Variants in PLCB4 observed in about 807,000 individuals in gnomAD.
The protein encoded by PLCB4 is 1-phosphatidylinositol 4,5-bisphosphate phosphodiesterase beta-4.
PLCB4 carries 77 observed loss-of-function variants against 178.8 expected under a neutral mutation model. That is an observed-to-expected ratio of 0.43 (90% CI 0.36 to 0.52). The LOEUF is 0.52. Among genes scored for constraint, PLCB4 ranks in the 20% least tolerant of loss-of-function variants. The probability of loss-of-function intolerance (pLI) is 0.00; values close to 1 mark genes in which losing one functional copy is unlikely to be tolerated. For synonymous variants in PLCB4, 496 were observed against 490.8 expected (o/e 1.01, Z -0.14); for missense variants, 1,024 against 1,453.4 (o/e 0.70, Z 4.80).
At chr20:9,332,157 G>C (rs1389485796) in intron 4 of PLCB4, among the ~76,000 whole-genome samples, 1 of 152,166 alleles carries the variant, frequency 6.6e-6, no homozygotes, top group Non-Finnish European at 1.5e-5. Flanking sequence ...AAAACAAATA[G>C]ATTCCCAAAG....
intron 25 of PLCB4, among the ~76,000 whole-genome samples, chr20:9,412,826 C>T (rs4816132): frequency 0.15 from 22,368 of 152,206 alleles, 2,713 homozygotes; most frequent in African/African-American, 0.32. Flanking sequence ...TCTCCATGTA[C>T]GCTTGTTGGG....
Position 9,428,263 on chromosome 20 carries a change from A to C in PLCB4, c.2524+4311A>C, listed in dbSNP as rs6133709. On this transcript the variant is annotated intron_variant, in intron 28 of 39. Transcript: ENST00000378473. ...GTCATATTTTATTAAATATTTGTTG[A>C]AAAACCCAGTTGCATATTCACAGTG... 3.4e-3 allele frequency among the ~76,000 whole-genome samples: 521 copies of C among 152,310 alleles called. 15 individuals are homozygous for C. In the East Asian group the frequency reaches 0.059, roughly 17 times the overall value.
chr20:9,105,860 T>C lies in PLCB4; in HGVS notation c.-79+9518T>C, dbSNP rs548696372. Among the ~76,000 whole-genome samples, 17 of 152,112 alleles carry C rather than the reference T, an allele frequency of 1.1e-4. No homozygotes were observed. The East Asian group carries it at 3.1e-3, about 28-fold the overall frequency. On this transcript the variant is annotated intron_variant, in intron 2 of 39. Coordinates refer to ENST00000378473, the MANE Select transcript of PLCB4 (RefSeq NM_001377142.1). ...ATAAACTGTAAATTTATGATAAAAA[T>C]CTATGGATAAATATTTTTACAATTT...
chr20:9,421,325 A>C lies in PLCB4; in HGVS notation c.2183A>C (p.Lys728Thr). The stretch of plus-strand genomic sequence containing the variant: ...ATATCAGGTCAATTCTTATCAGATA[A>C]GAAAATTGGCACCTACGTAGAGGTG... ...QVISGQFLSD[K>T]KIGTYVEVDM... Residue 728 changes from lysine to threonine, a missense_variant, in exon 27 of 40, where the codon AAG (lysine) becomes ACG (threonine). Lys to Thr is a moderately conservative substitution (Grantham distance 78, BLOSUM62 -1). Around this residue, in one of 7 missense-constraint regions of PLCB4, gnomAD observed 227 missense variants for 374.3 expected, o/e 0.61. Coordinates refer to ENST00000378473, the MANE Select transcript of PLCB4 (RefSeq NM_001377142.1). The C allele has an allele frequency of 6.2e-7, 1 of 1,613,872 alleles. No individual in the cohort carries two copies. Among genetic ancestry groups the C allele is most frequent in the Non-Finnish European group, 8.5e-7 (1 of 1,179,844 alleles).
intron 4 of PLCB4, among the ~76,000 whole-genome samples, chr20:9,334,103 G>C (rs2032092365): frequency 6.6e-6 from 1 of 152,170 alleles, no homozygotes; most frequent in Admixed American, 6.6e-5. Flanking sequence ...GTGGAAATGA[G>C]AATTCCCAGA....
intron 2 of PLCB4, among the ~76,000 whole-genome samples, chr20:9,112,629 A>G (rs1183358058): frequency 1.3e-5 from 2 of 152,116 alleles, no homozygotes; most frequent in Admixed American, 6.6e-5. Context: ...ATATGTCTTT[A>G]AAATATTATA....
At chr20:9,217,912 A>G (rs1285155082) in intron 3 of PLCB4, among the ~76,000 whole-genome samples, 2 of 152,202 alleles carry the variant, frequency 1.3e-5, no homozygotes, top group Non-Finnish European at 2.9e-5. Context: ...GATGATGTAA[A>G]TAAATTCTTC....
At chr20:9,354,231 G>T (rs1196331914) in intron 7 of PLCB4, among the ~76,000 whole-genome samples, 2 of 152,204 alleles carry the variant, frequency 1.3e-5, no homozygotes, top group Non-Finnish European at 2.9e-5. Context: ...CAGGGAATGA[G>T]AATTTAAAAT....
At chr20:9,271,360 G>T (rs1293702597) in intron 3 of PLCB4, among the ~76,000 whole-genome samples, 1 of 152,114 alleles carries the variant, frequency 6.6e-6, no homozygotes, top group Non-Finnish European at 1.5e-5. Flanking sequence ...TATCAGGTAG[G>T]TAGTAGTGTT....
chr20:9,455,871 T>C (rs2043024910), intron 33 of PLCB4, among the ~76,000 whole-genome samples: 1 of 152,250 alleles, frequency 6.6e-6, no homozygotes, highest in Non-Finnish European at 1.5e-5. Flanking sequence ...AGTCTTGCTA[T>C]GTTGCCCAGG....
chr20:9,389,845 T>G, intron 15 of PLCB4, 34 bp from the exon 16 acceptor site: 18 of 1,223,662 alleles, frequency 1.5e-5, no homozygotes, highest in Non-Finnish European at 2.0e-5. Flanking sequence ...TTTTTGCTCT[T>G]TTCTCTCATT....
chr20:9,154,141 T>G (rs1359774774), intron 2 of PLCB4, among the ~76,000 whole-genome samples: 1 of 152,130 alleles, frequency 6.6e-6, no homozygotes, highest in Admixed American at 6.6e-5. Context: ...ACAGTGCACA[T>G]GTGCAGCGAG....
intron 30 of PLCB4, among the ~76,000 whole-genome samples, chr20:9,438,884 G>A (rs906641565): frequency 6.6e-6 from 1 of 152,174 alleles, no homozygotes; most frequent in African/African-American, 2.4e-5. Context: ...TAGCATGTTG[G>A]TAGGAACTAA....
intron 30 of PLCB4, among the ~76,000 whole-genome samples, chr20:9,442,481 T>C (rs531835833): frequency 2.0e-4 from 31 of 152,060 alleles, no homozygotes; most frequent in Admixed American, 4.6e-4. Context: ...AGTTTATGTT[T>C]TTGTAGGTTC....
rs192939982 is a variant in PLCB4, at chr20:9,079,506, A to C, written c.-135+10300A>C. On this transcript the variant is annotated intron_variant, in intron 1 of 39. Coordinates refer to ENST00000378473, the MANE Select transcript of PLCB4 (RefSeq NM_001377142.1). Reference sequence around the variant, plus strand: ...TTCCTCACTCTCTGCCTGTCCCCTAAACGCTGGCTAGTGTCTTCCATTAGC... The same window carrying C: ...TTCCTCACTCTCTGCCTGTCCCCTACACGCTGGCTAGTGTCTTCCATTAGC... Among the ~76,000 whole-genome samples the C allele has an allele frequency of 8.0e-3, 1,213 of 152,262 alleles. 28 individuals carry two copies. The highest frequency in any genetic ancestry group is 0.017 in the Middle Eastern group (5 of 294).
intron 3 of PLCB4, among the ~76,000 whole-genome samples, chr20:9,304,917 A>C (rs1177456277): frequency 6.7e-6 from 1 of 148,616 alleles, no homozygotes; most frequent in Non-Finnish European, 1.5e-5. Flanking sequence ...TTTAAGTTTT[A>C]GGGTACATGT....
At position 9,258,787 on chromosome 20, in the gene PLCB4, G is replaced by T. The variant is rs575416817; in HGVS notation, c.-16+41335G>T. ...AAGGGAATGACTTCATGGTTTGGAG[G>T]TAAAATTATTCTGAACCTGCAATTT... On this transcript the variant is annotated intron_variant, in intron 3 of 39. Coordinates refer to ENST00000378473, the MANE Select transcript of PLCB4 (RefSeq NM_001377142.1). Among the ~76,000 whole-genome samples the T allele has an allele frequency of 1.5e-4, 23 of 151,732 alleles. No homozygotes were observed. In the South Asian group the frequency reaches 4.6e-3, roughly 30 times the overall value.
chr20:9,213,180 C>T (rs1020644968), intron 2 of PLCB4, among the ~76,000 whole-genome samples: 1 of 128,026 alleles, frequency 7.8e-6, no homozygotes, highest in Non-Finnish European at 1.5e-5. Context: ...CACTCTATCA[C>T]CCAGGCTGGA....
chr20:9,103,756 C>T (rs905058341), intron 2 of PLCB4, among the ~76,000 whole-genome samples: 1 of 152,034 alleles, frequency 6.6e-6, no homozygotes, highest in Non-Finnish European at 1.5e-5. Context: ...CTTTCCCATC[C>T]AAAATATTAG....
Sources: gnomAD v4.1 joint callset for allele counts (sites outside exome capture counted in the v4.1 genomes callset) on GRCh38, gnomAD v4.1.1 for gene constraint, gnomAD v4.1.1 regional missense constraint, MANE v1.5 for transcripts, NCBI Gene and HGNC (gene_info 2026-07-23, HGNC 2026-07-21) for gene names.